The following PCBP3 variants were observed in gnomAD, a reference collection of about 807,000 sequenced individuals.
The protein encoded by PCBP3 is poly(rC)-binding protein 3.
A neutral mutation model predicts 52.7 loss-of-function variants in PCBP3; 25 were observed. The observed-to-expected ratio is 0.47, with a 90% CI of 0.35 to 0.66. The LOEUF (loss-of-function observed/expected upper bound fraction) is 0.66, where lower values mean the gene tolerates loss of function less well. Among genes scored for constraint, PCBP3 ranks in the 30% least tolerant of loss-of-function variants. The pLI is 0.01. For missense variants in PCBP3, 391 were observed against 490.3 expected (o/e 0.80, Z 1.91); for synonymous variants, 162 against 183.0 (o/e 0.89, Z 0.93).
intron 4 of PCBP3, among the ~76,000 whole-genome samples, chr21:45,768,415 G>T (rs2089560923): frequency 6.6e-6 from 1 of 152,210 alleles, no homozygotes; most frequent in African/African-American, 2.4e-5. Context: ...GAAATCACTG[G>T]CAGAATTCTT....
chr21:45,917,430 G>C lies in PCBP3; in HGVS notation c.676-158G>C. 1.6e-6 allele frequency: 1 copy of C among 624,188 alleles called. No homozygotes were observed. The highest frequency in any genetic ancestry group is 2.8e-6 in the Non-Finnish European group (1 of 351,952). 38.7% of individuals were successfully genotyped at this position (624,188 alleles called of 1,614,324 possible). On this transcript the variant is annotated intron_variant, in intron 12 of 17. Transcript: ENST00000681687. The surrounding 1 kb of genome is among the most constrained non-coding windows in gnomAD (Gnocchi z 5.3). Reference sequence around the variant, plus strand: ...GCTCCCCTGGGGCTCCTGGTGCCCTGGGAGGGTTGGCCCTTTGTCCTAGGA... The same window carrying C: ...GCTCCCCTGGGGCTCCTGGTGCCCTCGGAGGGTTGGCCCTTTGTCCTAGGA...
At chr21:45,797,586 A>C in intron 4 of PCBP3, among the ~76,000 whole-genome samples, 1 of 2,096 alleles carries the variant, frequency 4.8e-4, no homozygotes, top group Non-Finnish European at 1.1e-3. Flanking sequence ...GATTGTGTGC[A>C]TGGATGGATG....
At chr21:45,769,435 G>C (rs1441679231) in intron 4 of PCBP3, among the ~76,000 whole-genome samples, 1 of 152,272 alleles carries the variant, frequency 6.6e-6, no homozygotes, top group African/African-American at 2.4e-5. Context: ...CTGGGACTGT[G>C]GGCGCATCGC....
At chr21:45,901,292 G>T (rs1043999731) in intron 9 of PCBP3, 179 bp downstream of exon 9, 8 of 586,572 alleles carry the variant, frequency 1.4e-5, no homozygotes, top group Non-Finnish European at 2.5e-5. Context: ...GGTTCACCCA[G>T]TCAGGGGCCA....
chr21:45,710,070 A>G (rs1412917716), intron 2 of PCBP3, among the ~76,000 whole-genome samples: 1 of 152,222 alleles, frequency 6.6e-6, no homozygotes, highest in Non-Finnish European at 1.5e-5. Flanking sequence ...AGCATGACTC[A>G]TCACTGTTCA....
At chr21:45,647,736 G>A (rs1223509092) in intron 1 of PCBP3, among the ~76,000 whole-genome samples, 1 of 152,192 alleles carries the variant, frequency 6.6e-6, no homozygotes. Context: ...TGTTGGAGAT[G>A]GAGGGGGGTG....
intron 1 of PCBP3, among the ~76,000 whole-genome samples, chr21:45,654,976 C>T (rs1340887069): frequency 6.6e-6 from 1 of 152,088 alleles, no homozygotes; most frequent in Non-Finnish European, 1.5e-5. Flanking sequence ...AGTATGTGGC[C>T]TTTTGTGTCT....
At chr21:45,683,655 G>C (rs143288934) in intron 2 of PCBP3, among the ~76,000 whole-genome samples, 1 of 152,242 alleles carries the variant, frequency 6.6e-6, no homozygotes, top group East Asian at 1.9e-4. Flanking sequence ...TAAAAATAAG[G>C]TGTTGCTGCG....
At chr21:45,813,607 A>G (rs1023038917) in intron 4 of PCBP3, among the ~76,000 whole-genome samples, 8 of 152,032 alleles carry the variant, frequency 5.3e-5, no homozygotes, top group Non-Finnish European at 1.0e-4. Context: ...ACGCCCGGCT[A>G]TTTTTTGTAT....
intron 1 of PCBP3, among the ~76,000 whole-genome samples, chr21:45,650,114 C>T (rs758837871): frequency 1.2e-4 from 18 of 151,136 alleles, no homozygotes; most frequent in Non-Finnish European, 2.2e-4. Context: ...ATCATTTGAG[C>T]GCAGGAGTTC....
At chr21:45,887,664 C>T (rs2095553445) in intron 5 of PCBP3, among the ~76,000 whole-genome samples, 1 of 152,220 alleles carries the variant, frequency 6.6e-6, no homozygotes, top group African/African-American at 2.4e-5. Context: ...GTCGCCATTC[C>T]GGGCACCTAC....
At chr21:45,663,738 C>G (rs558861016) in intron 1 of PCBP3, among the ~76,000 whole-genome samples, 1 of 152,190 alleles carries the variant, frequency 6.6e-6, no homozygotes, top group South Asian at 2.1e-4. Flanking sequence ...ATCTATGTGT[C>G]TCTTTTAATA....
intron 1 of PCBP3, among the ~76,000 whole-genome samples, chr21:45,660,248 G>A (rs1439511476): frequency 1.3e-5 from 2 of 151,880 alleles, no homozygotes; most frequent in African/African-American, 4.8e-5. Flanking sequence ...AACAATTTTT[G>A]TATTAAAGAC....
In PCBP3 at chr21:45,708,052, AC is replaced by A. The variant is rs1185172175; in HGVS notation, c.-199-27339del. On this transcript the variant is annotated intron_variant, in intron 2 of 17. Coordinates refer to ENST00000681687, the MANE Select transcript of PCBP3 (RefSeq NM_001384156.1). ...ACGTTCTGCTTCATCACTGAATAAAACTATGGGACTGAGGAAGTTTAATTCT... is the reference window on the plus strand; with the variant it reads ...ACGTTCTGCTTCATCACTGAATAAAATATGGGACTGAGGAAGTTTAATTCT... 1.3e-5 allele frequency among the ~76,000 whole-genome samples: 2 copies of A among 152,220 alleles called. 1 individual carries two copies. The highest frequency in any genetic ancestry group is 2.9e-5 in the Non-Finnish European group (2 of 68,034).
chr21:45,891,441 G>T (rs919302502), intron 5 of PCBP3, among the ~76,000 whole-genome samples: 1 of 152,212 alleles, frequency 6.6e-6, no homozygotes, highest in African/African-American at 2.4e-5. Flanking sequence ...GCTCAGCAGC[G>T]TGGATACATC....
At chr21:45,703,704 C>T (rs2148013146) in intron 2 of PCBP3, among the ~76,000 whole-genome samples, 1 of 152,218 alleles carries the variant, frequency 6.6e-6, no homozygotes, top group Admixed American at 6.5e-5. Flanking sequence ...AGAAGGAGCA[C>T]ATTCATCAGG....
At chr21:45,660,538 A>G (rs2080321006) in intron 1 of PCBP3, among the ~76,000 whole-genome samples, 1 of 152,078 alleles carries the variant, frequency 6.6e-6, no homozygotes, top group Non-Finnish European at 1.5e-5. Flanking sequence ...TGAATTTTCT[A>G]TTACTCCATT....
chr21:45,816,588 A>C (rs1476514248), intron 4 of PCBP3, among the ~76,000 whole-genome samples: 1 of 145,968 alleles, frequency 6.9e-6, no homozygotes, highest in Non-Finnish European at 1.5e-5. Context: ...GCACAGGGTC[A>C]GAATCGTGCA....
At position 45,922,110 on chromosome 21, in the gene PCBP3, T is replaced by C. The variant is rs560010268; in HGVS notation, c.717+4481T>C. On this transcript the variant is annotated intron_variant, in intron 13 of 17. Coordinates refer to ENST00000681687, the MANE Select transcript of PCBP3 (RefSeq NM_001384156.1). ...AGAAATGAGAAAGAGAAACAGCACC[T>C]GAGACCTGGGACCTGAGAGCAGAGC... Among the ~76,000 whole-genome samples the C allele has an allele frequency of 1.1e-3, 174 of 152,306 alleles. 1 individual carries two copies. Among genetic ancestry groups the C allele is most frequent in the African/African-American group, 3.8e-3 (158 of 41,568 alleles).
Sources: gnomAD v4.1 joint callset for allele counts (sites outside exome capture counted in the v4.1 genomes callset) on GRCh38, gnomAD v4.1.1 for gene constraint, Gnocchi (gnomAD v3.1) non-coding constraint, MANE v1.5 for transcripts, NCBI Gene and HGNC (gene_info 2026-07-23, HGNC 2026-07-21) for gene names.